Variants in PLAA observed in about 807,000 individuals in gnomAD.
PLAA encodes the protein phospholipase A-2-activating protein.
In PLAA, 48 loss-of-function variants were observed where a neutral mutation model predicts 84.1. The observed-to-expected ratio is 0.57, with a 90% CI of 0.45 to 0.73. The LOEUF is 0.73. Ranked by LOEUF, PLAA falls within the 30% of genes least tolerant of loss-of-function variation. The pLI, the probability that PLAA is intolerant of heterozygous loss-of-function variation, is 0.00. For missense variants in PLAA, 903 were observed against 954.7 expected (o/e 0.95, Z 0.71); for synonymous variants, 392 against 336.6 (o/e 1.16, Z -1.80).
chr9:26,913,843 A>G (rs1443970194), intron 11 of PLAA, 36 bp downstream of exon 11: 11 of 1,448,404 alleles, frequency 7.6e-6, no homozygotes, highest in Non-Finnish European at 1.0e-5. Context: ...AATTTTTAAA[A>G]TCTAAAAAAA....
At chr9:26,946,783 G>C in intron 1 of PLAA, 114 bp downstream of exon 1, 1 of 1,208,332 alleles carries the variant, frequency 8.3e-7, no homozygotes. Context: ...GCGGAGAGCA[G>C]AGGGAAGGCT....
chr9:26,947,090 C>G lies in PLAA; in HGVS notation c.-45G>C. The G allele has an allele frequency of 1.4e-6, 2 of 1,477,154 alleles. No homozygotes were observed. The highest frequency in any genetic ancestry group is 2.7e-5 in the East Asian group (1 of 37,210). The allele number at this position is 1,477,154 out of a possible 1,614,324, so 91.5% of individuals were successfully genotyped here. A position where few individuals can be genotyped will look rare whatever the true frequency, so the allele number is the denominator to read the frequency against. On this transcript the variant is annotated 5_prime_UTR_variant, in exon 1 of 14. Coordinates refer to ENST00000397292, the MANE Select transcript of PLAA (RefSeq NM_001031689.3). Reference sequence around the variant, plus strand: ...CCCGGTGCCCAGGCACTGTGCGAGACCAGTCCGCAGGGGCGACTCGGAGAG... The same window carrying G: ...CCCGGTGCCCAGGCACTGTGCGAGAGCAGTCCGCAGGGGCGACTCGGAGAG...
intron 13 of PLAA, among the ~76,000 whole-genome samples, chr9:26,906,947 T>C (rs959269540): frequency 1.4e-5 from 2 of 146,354 alleles, no homozygotes; most frequent in African/African-American, 5.1e-5. Flanking sequence ...AAAAAACACC[T>C]ACTGAACCAG....
rs553094075 is a variant in PLAA at position 26,918,462 on chromosome 9, T to C, written c.1417+848A>G. On this transcript the variant is annotated intron_variant, in intron 9 of 13. Coordinates refer to ENST00000397292, the MANE Select transcript of PLAA (RefSeq NM_001031689.3). ...TATTTAAATCAACATGCAGGTAACA[T>C]TAGTTTTATTTTATGAATGGGCAAT... Among the ~76,000 whole-genome samples, 3 of 152,060 alleles carry C rather than the reference T, an allele frequency of 2.0e-5. No homozygotes were observed. In the South Asian group the frequency reaches 6.2e-4, roughly 32 times the overall value.
intron 6 of PLAA, among the ~76,000 whole-genome samples, chr9:26,923,836 G>A (rs1338914133): frequency 2.0e-5 from 3 of 152,140 alleles, no homozygotes; most frequent in Admixed American, 6.6e-5. Context: ...TTAGATGGCC[G>A]TCCTTAACCT....
intron 9 of PLAA, among the ~76,000 whole-genome samples, chr9:26,918,288 A>ATTTTTTTTTTTTT (rs1185916022): frequency 2.2e-4 from 21 of 95,678 alleles, no homozygotes; most frequent in Non-Finnish European, 3.1e-4. Context: ...AATTTTTTGT[A>ATTTTTTTTTTTTT]TTTTTTTTTT....
intron 6 of PLAA, among the ~76,000 whole-genome samples, chr9:26,923,761 C>T (rs181894311): frequency 6.6e-6 from 1 of 152,248 alleles, no homozygotes; most frequent in Admixed American, 6.5e-5. Context: ...TATGGTCATC[C>T]TTTACTATGC....
intron 1 of PLAA, among the ~76,000 whole-genome samples, chr9:26,937,497 C>A (rs115772264): frequency 2.0e-5 from 3 of 152,056 alleles, no homozygotes; most frequent in Non-Finnish European, 4.4e-5. Flanking sequence ...AAAAATCACA[C>A]GCATACAAAT....
Position 26,917,180 on chromosome 9 carries a change from T to G in PLAA, c.1418-15A>C, listed in dbSNP as rs201496988. ...CCGACCACCACCTGTGCATGCAAAA[T>G]AAAGAAAAGGCAGAAGTGCACCAAA... is the stretch of plus-strand genomic sequence containing the variant. On this transcript the variant is annotated splice_polypyrimidine_tract_variant and intron_variant, in intron 9 of 13. Transcript: ENST00000397292. 3.7e-6 allele frequency: 6 copies of G among 1,611,824 alleles called. No homozygotes were observed. In the East Asian group the frequency reaches 1.1e-4, roughly 30 times the overall value.
Position 26,943,886 on chromosome 9 carries a change from G to A in PLAA, c.149+3011C>T, listed in dbSNP as rs571180453. Among the ~76,000 whole-genome samples, 16 of 152,230 alleles carry A rather than the reference G, an allele frequency of 1.1e-4. 1 individual carries two copies. The South Asian group carries it at 2.3e-3, about 22-fold the overall frequency. ...GAGGATTGTTTGAGCCCAGAAGGTC[G>A]AGGCTGCAATAAGGCAGTGATCATG... On this transcript the variant is annotated intron_variant, in intron 1 of 13. Coordinates refer to ENST00000397292, the MANE Select transcript of PLAA (RefSeq NM_001031689.3).
chr9:26,926,997 G>T (rs1824990285), intron 4 of PLAA, among the ~76,000 whole-genome samples: 1 of 151,960 alleles, frequency 6.6e-6, no homozygotes, highest in Admixed American at 6.6e-5. Flanking sequence ...TTCAGTATCT[G>T]TTGACTTAAG....
rs1031360456 is a variant in PLAA, at chr9:26,929,465, C to A, written c.344-1057G>T. The stretch of plus-strand genomic sequence containing the variant: ...TTCTGGTATGACCAAGAAAGTGAGA[C>A]CCTCTCTCAAAAGATAAAAGAAAAA... On this transcript the variant is annotated intron_variant, in intron 2 of 13. Transcript: ENST00000397292. 2.6e-5 allele frequency among the ~76,000 whole-genome samples: 4 copies of A among 152,002 alleles called. No homozygotes were observed. In the East Asian group the frequency reaches 5.8e-4, roughly 22 times the overall value.
chr9:26,945,581 A>G (rs1825668208), intron 1 of PLAA, among the ~76,000 whole-genome samples: 1 of 152,182 alleles, frequency 6.6e-6, no homozygotes. Context: ...ACCCACTTCT[A>G]CACTTATCCC....
intron 4 of PLAA, 108 bp downstream of exon 4, chr9:26,927,990 TAA>T: frequency 8.5e-7 from 1 of 1,183,272 alleles, no homozygotes; most frequent in Non-Finnish European, 1.2e-6. Context: ...ATTAATAGCT[TAA>T]ATATACTAAT....
intron 1 of PLAA, among the ~76,000 whole-genome samples, chr9:26,944,182 T>A (rs926292016): frequency 2.0e-5 from 3 of 152,180 alleles, no homozygotes; most frequent in Admixed American, 2.0e-4. Flanking sequence ...CGCCTCTTGC[T>A]GTGTGCTCTC....
chr9:26,928,817 GC>G (rs777894898), intron 2 of PLAA, among the ~76,000 whole-genome samples: 1 of 152,224 alleles, frequency 6.6e-6, no homozygotes, highest in Non-Finnish European at 1.5e-5. Context: ...AAAACCTGCA[GC>G]CAAGCTCAAT....
intron 6 of PLAA, 68 bp from the exon 7 acceptor site, chr9:26,923,415 G>T: frequency 1.8e-6 from 2 of 1,092,664 alleles, no homozygotes; most frequent in South Asian, 3.0e-5. Flanking sequence ...ACACCTGAAT[G>T]ATCCATAGTA....
chr9:26,927,127 C>CTTTTT (rs10672584), intron 4 of PLAA, among the ~76,000 whole-genome samples: 2 of 136,784 alleles, frequency 1.5e-5, no homozygotes, highest in Non-Finnish European at 3.1e-5. Flanking sequence ...TTTTGTTTTT[C>CTTTTT]TTTTTTTTTT....
chr9:26,946,805 G>C (rs896025553), intron 1 of PLAA, 92 bp downstream of exon 1: 1 of 1,379,366 alleles, frequency 7.2e-7, no homozygotes, highest in African/African-American at 1.5e-5. Flanking sequence ...GGGGGAGAGA[G>C]AGACGGCAGG....
Sources: allele counts gnomAD v4.1 joint callset (sites outside exome capture counted in the v4.1 genomes callset), GRCh38; gene constraint gnomAD v4.1.1; transcripts MANE v1.5; gene names NCBI Gene and HGNC (gene_info 2026-07-23, HGNC 2026-07-21).